RASGRF2: variants seen among roughly 807,000 people sequenced by gnomAD.
RASGRF2 encodes ras-specific guanine nucleotide-releasing factor 2.
In RASGRF2, 76 loss-of-function variants were observed where a neutral mutation model predicts 151.0. The ratio of observed to expected loss-of-function variants is 0.50; its 90% CI spans 0.42 to 0.61. RASGRF2 has a LOEUF of 0.61. Among genes scored for constraint, RASGRF2 ranks in the 20% least tolerant of loss-of-function variants. RASGRF2 has a pLI of 0.00. For synonymous variants in RASGRF2, 504 were observed against 566.5 expected, an observed-to-expected ratio of 0.89 and a Z score of 1.57; for missense variants, 1,148 against 1,564.6, an observed-to-expected ratio of 0.73 and a Z score of 4.49.
intron 1 of RASGRF2, among the ~76,000 whole-genome samples, chr5:80,980,649 A>G (rs1748268594): frequency 6.9e-6 from 1 of 144,912 alleles, no homozygotes; most frequent in Non-Finnish European, 1.6e-5. Flanking sequence ...CTCAAAAAAT[A>G]AAGAGAAAGA....
At chr5:81,150,588 T>G (rs1365229992) in intron 17 of RASGRF2, among the ~76,000 whole-genome samples, 1 of 152,200 alleles carries the variant, frequency 6.6e-6, no homozygotes, top group African/African-American at 2.4e-5. Context: ...ATTTATTCTT[T>G]GGATTTCTTC....
chr5:80,971,766 C>T (rs1747941979), intron 1 of RASGRF2, among the ~76,000 whole-genome samples: 1 of 151,838 alleles, frequency 6.6e-6, no homozygotes, highest in Admixed American at 6.6e-5. Flanking sequence ...GACAGGCTTT[C>T]GCCATATTGC....
intron 12 of RASGRF2, among the ~76,000 whole-genome samples, chr5:81,102,292 GTTCTCTTTGTGAAAAAA>G (rs1752717863): frequency 6.6e-6 from 1 of 152,200 alleles, no homozygotes; most frequent in Non-Finnish European, 1.5e-5. Context: ...TTGAAAGGGT[GTTCTCTTTGTGAAAAAA>G]GAACCTAAAA....
At chr5:81,037,533 A>C (rs892394310) in intron 1 of RASGRF2, among the ~76,000 whole-genome samples, 4 of 152,004 alleles carry the variant, frequency 2.6e-5, no homozygotes, top group Admixed American at 1.3e-4. Context: ...CTTTGTGTGG[A>C]TCTTTAGTTA....
chr5:81,067,971 A>G (rs1751658138), intron 2 of RASGRF2, 61 bp from the exon 3 acceptor site: 2 of 1,374,016 alleles, frequency 1.5e-6, no homozygotes, highest in Non-Finnish European at 1.9e-6. Flanking sequence ...ATTATATTCT[A>G]TATGGAACTC....
chr5:81,059,994 T>C (rs531697129), intron 2 of RASGRF2, among the ~76,000 whole-genome samples: 2 of 152,320 alleles, frequency 1.3e-5, no homozygotes, highest in South Asian at 4.1e-4. Context: ...CTTTTACTCA[T>C]GGCAGAAGGC....
intron 1 of RASGRF2, among the ~76,000 whole-genome samples, chr5:80,971,049 G>T (rs1747914506): frequency 6.6e-6 from 1 of 151,974 alleles, no homozygotes; most frequent in African/African-American, 2.4e-5. Flanking sequence ...ATTTACAATT[G>T]TTCTTGTAAC....
chr5:81,108,925 A>C, intron 12 of RASGRF2, 71 bp from the exon 13 acceptor site: 1 of 1,526,596 alleles, frequency 6.6e-7, no homozygotes, highest in East Asian at 2.3e-5. Context: ...TTTAGCTATA[A>C]ACAATTGTGG....
intron 17 of RASGRF2, among the ~76,000 whole-genome samples, chr5:81,131,131 A>G (rs1753606397): frequency 2.0e-5 from 3 of 152,190 alleles, no homozygotes; most frequent in Admixed American, 2.0e-4. Context: ...TTGCTTAGAA[A>G]ACTTCCTTAA....
intron 1 of RASGRF2, among the ~76,000 whole-genome samples, chr5:81,015,146 T>C (rs1749587718): frequency 6.6e-6 from 1 of 152,222 alleles, no homozygotes; most frequent in Admixed American, 6.5e-5. Flanking sequence ...GGTAGCCATT[T>C]TTATTTCAAT....
At chr5:81,170,359 C>A (rs1754631969) in intron 17 of RASGRF2, among the ~76,000 whole-genome samples, 1 of 152,260 alleles carries the variant, frequency 6.6e-6, no homozygotes, top group African/African-American at 2.4e-5. Flanking sequence ...AATATGATTC[C>A]CTTGGGCAAA....
intron 19 of RASGRF2, chr5:81,204,106 T>C (rs1755453176): frequency 6.6e-6 from 1 of 152,252 alleles, no homozygotes; most frequent in Admixed American, 6.5e-5. Context: ...GGTGTGTCAT[T>C]ATAAATGCAC....
chr5:81,134,081 T>TGTGC (rs1554036801), intron 17 of RASGRF2, among the ~76,000 whole-genome samples: 6 of 148,516 alleles, frequency 4.0e-5, no homozygotes, highest in Non-Finnish European at 6.0e-5. Flanking sequence ...CTTGTGTGCG[T>TGTGC]GTGTGTGTGT....
At chr5:81,215,057 C>T (rs533500556) in intron 23 of RASGRF2, among the ~76,000 whole-genome samples, 6 of 152,138 alleles carry the variant, frequency 3.9e-5, no homozygotes, top group Admixed American at 1.3e-4. Flanking sequence ...ATTCTATATT[C>T]GGCCTGGTGC....
At chr5:80,978,163 A>G (rs1301389233) in intron 1 of RASGRF2, among the ~76,000 whole-genome samples, 2 of 152,200 alleles carry the variant, frequency 1.3e-5, no homozygotes, top group Non-Finnish European at 2.9e-5. Context: ...ATACATAGCT[A>G]AATTGATATT....
chr5:81,022,433 G>A (rs114377284), intron 1 of RASGRF2, among the ~76,000 whole-genome samples: 1,698 of 152,268 alleles, frequency 0.011, 45 homozygotes, highest in African/African-American at 0.039. Context: ...CACCTCTAGG[G>A]TCACCACCCA....
rs1755623807 is a variant in RASGRF2, at chr5:81,211,197, T to G, written c.3157-1169T>G. 3.3e-5 allele frequency among the ~76,000 whole-genome samples: 5 copies of G among 149,422 alleles called. No individual in the cohort carries two copies. In the South Asian group the frequency reaches 1.1e-3, roughly 32 times the overall value. ...CAGGCGTGACCTCTTCCTAGAAGCCTCCTCTGTACTAGACCAGATGCCCCA... is the reference window on the plus strand; with the variant it reads ...CAGGCGTGACCTCTTCCTAGAAGCCGCCTCTGTACTAGACCAGATGCCCCA... On this transcript the variant is annotated intron_variant, in intron 22 of 26. Transcript: ENST00000265080.
intron 5 of RASGRF2, 79 bp from the exon 6 acceptor site, chr5:81,080,042 A>C: frequency 6.7e-7 from 1 of 1,503,638 alleles, no homozygotes; most frequent in South Asian, 1.3e-5. Flanking sequence ...GTATATATTA[A>C]GGCTTTAAGG....
intron 9 of RASGRF2, among the ~76,000 whole-genome samples, chr5:81,092,370 A>G (rs1458091125): frequency 2.6e-5 from 4 of 152,092 alleles, no homozygotes; most frequent in Non-Finnish European, 5.9e-5. Flanking sequence ...TATGCTATTT[A>G]TCTACATTCT....
Sources: gnomAD v4.1 joint callset for allele counts (sites outside exome capture counted in the v4.1 genomes callset) on GRCh38, gnomAD v4.1.1 for gene constraint, MANE v1.5 for transcripts, NCBI Gene and HGNC (gene_info 2026-07-23, HGNC 2026-07-21) for gene names.